BCL2L14: variants seen among roughly 807,000 people sequenced by gnomAD.
BCL2L14 encodes the protein apoptosis facilitator Bcl-2-like protein 14.
BCL2L14 carries 27 observed loss-of-function variants against 35.3 expected under a neutral mutation model. The ratio of observed to expected loss-of-function variants is 0.76; its 90% confidence interval spans 0.56 to 1.05. The LOEUF is 1.05. BCL2L14 is among the 50% of genes least tolerant of loss of function. The pLI is 0.00. For missense variants in BCL2L14, 377 were observed against 382.6 expected (o/e 0.99, Z 0.12); for synonymous variants, 139 against 145.9 (o/e 0.95, Z 0.34).
chr12:12,062,047 C>CTG (rs1948533673), intron 2 of BCL2L14, among the ~76,000 whole-genome samples: 1 of 152,084 alleles, frequency 6.6e-6, no homozygotes, highest in Non-Finnish European at 1.5e-5. Context: ...GCTGCTGCCG[C>CTG]CCTAATACTT....
chr12:12,098,352 A>T (rs991255405), intron 5 of BCL2L14, among the ~76,000 whole-genome samples: 9 of 152,150 alleles, frequency 5.9e-5, no homozygotes, highest in African/African-American at 2.2e-4. Flanking sequence ...TTCCCAACTA[A>T]ACTGCAAATC....
chr12:12,068,403 G>GGTTTTT (rs2136724361), upstream of BCL2L14, among the ~76,000 whole-genome samples: 1 of 151,716 alleles, frequency 6.6e-6, no homozygotes, highest in East Asian at 2.0e-4. Flanking sequence ...TTTGAGACAG[G>GGTTTTT]GTTTTTGTTT....
chr12:12,079,689 G>A lies in BCL2L14; in HGVS notation c.384G>A (p.Gln128=), dbSNP rs768124759. 1 of 1,614,226 alleles carries A rather than the reference G, an allele frequency of 6.2e-7. No individual in the cohort carries two copies. Among genetic ancestry groups the A allele is most frequent in the Non-Finnish European group, 8.5e-7 (1 of 1,180,044 alleles). ...TGGAATACCAAGATTCGCACAGCCA[G>A]CAGTGGTCCAGGTGTCTTTCTAACG... ...RTLEYQDSHS[Q]QWSRCLSNVE... is the part of the protein sequence containing the mutation. Residue 128 remains glutamine (Q), a synonymous_variant, in exon 2 of 6, where the codon CAG becomes CAA. Coordinates refer to ENST00000308721, the MANE Select transcript of BCL2L14 (RefSeq NM_138723.2).
chr12:12,098,861 C>A, intron 5 of BCL2L14, 89 bp from the exon 6 acceptor site: 1 of 953,706 alleles, frequency 1.0e-6, no homozygotes, highest in Non-Finnish European at 1.7e-6. Context: ...TCGGGTCACG[C>A]CTGGGATAGA....
upstream of BCL2L14, chr12:12,068,011 C>A (rs539879608): frequency 9.4e-4 from 362 of 385,848 alleles, 2 homozygotes; most frequent in Non-Finnish European, 1.3e-3. Context: ...TGGCTCATTG[C>A]AGCCTCAAGC....
chr12:12,093,866 A>G (rs1949252284), intron 4 of BCL2L14, among the ~76,000 whole-genome samples: 1 of 151,778 alleles, frequency 6.6e-6, no homozygotes, highest in Non-Finnish European at 1.5e-5. Context: ...CTGTAATCCC[A>G]ACACTTTGGG....
Position 12,099,123 on chromosome 12 carries a change from C to A in BCL2L14, c.*135C>A. 1.5e-6 allele frequency: 1 copy of A among 669,878 alleles called. No individual in the cohort carries two copies. Among genetic ancestry groups the A allele is most frequent in the Middle Eastern group, 2.5e-4 (1 of 4,006 alleles). The allele number at this position is 669,878 out of a possible 1,614,324, so 41.5% of individuals were successfully genotyped here. On this transcript the variant is annotated 3_prime_UTR_variant, in exon 6 of 6. Coordinates refer to ENST00000308721, the MANE Select transcript of BCL2L14 (RefSeq NM_138723.2). ...GTTTTCAAAACCATTATTCCTGTGA[C>A]TGGAGAGGCATCAGGAGAGGTCTCG... is the stretch of plus-strand genomic sequence containing the variant.
intron 2 of BCL2L14, among the ~76,000 whole-genome samples, chr12:12,083,067 C>G (rs2136756311): frequency 6.6e-6 from 1 of 152,310 alleles, no homozygotes; most frequent in African/African-American, 2.4e-5. Flanking sequence ...TGGGTTCACA[C>G]CATTCTCCTG....
intron 1 of BCL2L14, among the ~76,000 whole-genome samples, chr12:12,078,799 G>GTTTT (rs113335017): frequency 0.88 from 134,268 of 152,192 alleles, 60,648 homozygotes; most frequent in East Asian, 1. Flanking sequence ...TTCTCTCTCT[G>GTTTT]TTGTTTTTTG....
At chr12:12,096,178 A>G (rs1949308121) in intron 5 of BCL2L14, 2 of 974,268 alleles carry the variant, frequency 2.1e-6, no homozygotes, top group Non-Finnish European at 2.4e-6. Flanking sequence ...CAAATTCCCA[A>G]TTGACTATGT....
chr12:12,088,758 C>G (rs78922224), intron 3 of BCL2L14, among the ~76,000 whole-genome samples: 3,631 of 152,176 alleles, frequency 0.024, 148 homozygotes, highest in African/African-American at 0.083. Flanking sequence ...GTTCTCCCTC[C>G]AAAGGTATCC....
chr12:12,052,533 T>C (rs528891557), intron 2 of BCL2L14, among the ~76,000 whole-genome samples: 2 of 152,386 alleles, frequency 1.3e-5, no homozygotes, highest in Admixed American at 1.3e-4. Context: ...TCATCCATGT[T>C]GTCCCAAATC....
intron 1 of BCL2L14, chr12:12,077,833 C>G: frequency 1.2e-5 from 3 of 252,820 alleles, no homozygotes. Flanking sequence ...CGCTCACTGC[C>G]TGGGACATTT....
rs370379966 is a variant in BCL2L14, at chr12:12,057,755, T to TAAA, written c.-272+5921_-272+5923dup. On this transcript the variant is annotated intron_variant, in intron 2 of 3. Coordinates refer to the BCL2L14 transcript ENST00000461264. ...CTGGGCAATAAGAGCAAAACTCCAT[T>TAAA]AAAAAAAAAAAAAAAGAAGTGAAGA... Among the ~76,000 whole-genome samples the TAAA allele has an allele frequency of 2.7e-3, 319 of 120,354 alleles. 3 individuals carry two copies. The highest frequency in any genetic ancestry group is 9.0e-3 in the African/African-American group (280 of 30,980). 79.0% of individuals were successfully genotyped at this position (120,354 alleles called of 152,430 possible). A position where few individuals can be genotyped will look rare whatever the true frequency, so the allele number is the denominator to read the frequency against.
chr12:12,087,366 T>A lies in BCL2L14; in HGVS notation c.587T>A (p.Val196Glu), dbSNP rs139476893. ...TTCCAGCTCCAAGGCCACGTGCCTGTAGCTTCAAGTTCTAAGAAAGGTAAG... is the reference window on the plus strand; with the variant it reads ...TTCCAGCTCCAAGGCCACGTGCCTGAAGCTTCAAGTTCTAAGAAAGGTAAG... Reference protein sequence around the residue: ...LSFQLQGHVPVASSSKKDEEE... With the variant: ...LSFQLQGHVPEASSSKKDEEE... The change falls in exon 3 of 6, where the codon GTA (valine) becomes GAA (glutamate). Residue 196 changes from valine (V) to glutamate (E), a missense_variant. Physicochemically the swap from Val to Glu is moderately radical, Grantham distance 121. Transcript: ENST00000308721. The A allele has an allele frequency of 9.7e-5, 157 of 1,614,210 alleles. No individual in the cohort carries two copies. The Middle Eastern group carries it at 1.2e-3, about 12-fold the overall frequency.
intron 5 of BCL2L14, among the ~76,000 whole-genome samples, chr12:12,098,048 A>G (rs1949354169): frequency 7.1e-6 from 1 of 141,370 alleles, no homozygotes; most frequent in African/African-American, 2.6e-5. Flanking sequence ...ATTTTTCCAA[A>G]GGGTAGAAAA....
intron 2 of BCL2L14, among the ~76,000 whole-genome samples, chr12:12,060,608 G>C (rs1358315037): frequency 3.9e-5 from 2 of 51,172 alleles, no homozygotes; most frequent in Non-Finnish European, 7.4e-5. Context: ...AACTTCCAAA[G>C]GCCTAAACCT....
intron 1 of BCL2L14, among the ~76,000 whole-genome samples, chr12:12,073,520 A>G (rs1330758095): frequency 1.3e-5 from 2 of 152,122 alleles, no homozygotes; most frequent in East Asian, 3.9e-4. Context: ...CTTGTTTCTT[A>G]AAGAAGCCCT....
At chr12:12,095,050 A>G (rs1238690619) in intron 5 of BCL2L14, 120 bp downstream of exon 5, 1 of 1,455,868 alleles carries the variant, frequency 6.9e-7, no homozygotes, top group East Asian at 2.5e-5. Context: ...AGTTTAGGAC[A>G]CTTGAGTGGC....
Sources: gnomAD v4.1 joint callset for allele counts (sites outside exome capture counted in the v4.1 genomes callset) on GRCh38, gnomAD v4.1.1 for gene constraint, MANE v1.5 for transcripts, NCBI Gene and HGNC (gene_info 2026-07-23, HGNC 2026-07-21) for gene names.